KAZN: variants seen among roughly 807,000 people sequenced by gnomAD.
KAZN encodes kazrin, periplakin interacting protein.
In KAZN, 40 loss-of-function variants were observed where a neutral mutation model predicts 87.4. The observed-to-expected ratio is 0.46, with a 90% CI of 0.36 to 0.60. KAZN has a LOEUF of 0.60. Ranked by LOEUF, KAZN falls within the 20% of genes least tolerant of loss-of-function variation. KAZN has a pLI of 0.00. For missense variants in KAZN, 898 were observed against 1,073.9 expected, an observed-to-expected ratio of 0.84 and a Z score of 2.29; for synonymous variants, 466 against 458.3, an observed-to-expected ratio of 1.02 and a Z score of -0.22.
In KAZN at chr1:14,981,858, A is replaced by G. The variant is rs16851089; in HGVS notation, c.418+20983A>G. On this transcript the variant is annotated intron_variant, in intron 2 of 14. Transcript: ENST00000376030. ...AGAAAGGGGATGCAGTGCCTTTTCA[A>G]CATACCCTGAGTTTGTTCAAACTAA... Among the ~76,000 whole-genome samples the G allele has an allele frequency of 2.0e-3, 299 of 152,308 alleles. 3 individuals are homozygous for G. The highest frequency in any genetic ancestry group is 6.7e-3 in the African/African-American group (277 of 41,552).
chr1:14,490,550 T>C (rs1669591603), intron 2 of KAZN, among the ~76,000 whole-genome samples: 1 of 152,174 alleles, frequency 6.6e-6, no homozygotes, highest in South Asian at 2.1e-4. Flanking sequence ...TGGAGTGCAG[T>C]GGCGCGATCT....
intron 2 of KAZN, among the ~76,000 whole-genome samples, chr1:15,001,970 T>A: frequency 7.4e-6 from 1 of 135,942 alleles, no homozygotes; most frequent in East Asian, 2.4e-4. Flanking sequence ...AAGCTCCGCC[T>A]CCTGGGTTCA....
chr1:14,921,409 G>A (rs748874463), intron 1 of KAZN, among the ~76,000 whole-genome samples: 2 of 152,096 alleles, frequency 1.3e-5, no homozygotes, highest in African/African-American at 2.4e-5. Flanking sequence ...TTCTTCCTCC[G>A]TCTCCTCTTC....
intron 1 of KAZN, among the ~76,000 whole-genome samples, chr1:13,962,462 G>A (rs978735634): frequency 6.6e-6 from 1 of 152,142 alleles, no homozygotes; most frequent in African/African-American, 2.4e-5. Flanking sequence ...GACACCATGT[G>A]GGGCTCTCTG....
chr1:14,045,850 A>G (rs538038357), intron 1 of KAZN, among the ~76,000 whole-genome samples: 1 of 152,296 alleles, frequency 6.6e-6, no homozygotes. Flanking sequence ...ACAATGGATA[A>G]CCATTACTCC....
Position 14,212,548 on chromosome 1 carries a change from G to T in KAZN, c.249+31956G>T, listed in dbSNP as rs138347648. Among the ~76,000 whole-genome samples the T allele has an allele frequency of 1.2e-3, 187 of 151,742 alleles. 1 individual carries two copies. The highest frequency in any genetic ancestry group is 4.2e-3 in the African/African-American group (172 of 41,410). ...TGTTTTTAATTAAGACCTAAATCATGATTCTCTTAGAATGGAATAGAAAGT... is the reference window on the plus strand; with the variant it reads ...TGTTTTTAATTAAGACCTAAATCATTATTCTCTTAGAATGGAATAGAAAGT... On this transcript the variant is annotated intron_variant, in intron 2 of 16. Coordinates refer to the KAZN transcript ENST00000636203.
At position 14,618,142 on chromosome 1, in the gene KAZN, C is replaced by A. The variant is rs887475532; in HGVS notation, c.226+18919C>A. On this transcript the variant is annotated intron_variant, in intron 1 of 14. Coordinates refer to ENST00000376030, the MANE Select transcript of KAZN (RefSeq NM_201628.3). Reference sequence around the variant, plus strand: ...AATGCTGCGAGATGGCAGCTGAGTCCGGCGCTTGCTTCACTCTTCATCTAG... The same window carrying A: ...AATGCTGCGAGATGGCAGCTGAGTCAGGCGCTTGCTTCACTCTTCATCTAG... Among the ~76,000 whole-genome samples the A allele has an allele frequency of 4.6e-5, 7 of 152,208 alleles. 1 individual carries two copies. The highest frequency in any genetic ancestry group is 3.9e-4 in the Admixed American group (6 of 15,282).
At chr1:14,260,575 G>A (rs533925687) in intron 2 of KAZN, among the ~76,000 whole-genome samples, 55 of 152,230 alleles carry the variant, frequency 3.6e-4, no homozygotes, top group Admixed American at 1.5e-3. Context: ...CATTAACTAC[G>A]ATCCACCTGA....
At chr1:13,960,315 C>A (rs1486771734) in intron 1 of KAZN, among the ~76,000 whole-genome samples, 1 of 152,234 alleles carries the variant, frequency 6.6e-6, no homozygotes, top group East Asian at 1.9e-4. Flanking sequence ...CTTCGCCCAA[C>A]ATCACACAGG....
At chr1:14,276,519 T>C (rs561442205) in intron 2 of KAZN, among the ~76,000 whole-genome samples, 2 of 152,294 alleles carry the variant, frequency 1.3e-5, no homozygotes, top group African/African-American at 4.8e-5. Context: ...TTGGTTCCTC[T>C]GAGGGATGTG....
intron 2 of KAZN, among the ~76,000 whole-genome samples, chr1:14,290,172 G>A (rs866754020): frequency 2.4e-4 from 37 of 152,184 alleles, no homozygotes; most frequent in African/African-American, 6.7e-4. Flanking sequence ...TGCTCTTCTC[G>A]AGGAGTATCT....
At chr1:14,681,094 C>T (rs1230122749) in intron 1 of KAZN, among the ~76,000 whole-genome samples, 2 of 152,154 alleles carry the variant, frequency 1.3e-5, no homozygotes, top group Non-Finnish European at 2.9e-5. Flanking sequence ...AGGGGAGCTC[C>T]CTCATCATCA....
intron 1 of KAZN, among the ~76,000 whole-genome samples, chr1:14,635,071 G>T (rs1402316069): frequency 6.6e-6 from 1 of 152,210 alleles, no homozygotes; most frequent in Non-Finnish European, 1.5e-5. Flanking sequence ...GGTGTTGCAG[G>T]AAGGGCATCA....
chr1:14,717,650 A>G (rs1389705384), intron 1 of KAZN, among the ~76,000 whole-genome samples: 1 of 152,160 alleles, frequency 6.6e-6, no homozygotes, highest in African/African-American at 2.4e-5. Flanking sequence ...CCCTTAAGCC[A>G]AATAAGGTTC....
At chr1:14,922,908 C>A (rs1658694629) in intron 1 of KAZN, among the ~76,000 whole-genome samples, 2 of 151,950 alleles carry the variant, frequency 1.3e-5, no homozygotes, top group African/African-American at 4.8e-5. Flanking sequence ...CGGGGGGAAG[C>A]TGGGAAGGCC....
chr1:14,744,763 T>C (rs546963486), intron 1 of KAZN, among the ~76,000 whole-genome samples: 3 of 152,286 alleles, frequency 2.0e-5, no homozygotes, highest in African/African-American at 2.4e-5. Context: ...AAGTGTAACA[T>C]GCATCCAGCA....
At chr1:13,899,931 CT>C (rs1417932451) in intron 1 of KAZN, among the ~76,000 whole-genome samples, 7 of 152,120 alleles carry the variant, frequency 4.6e-5, no homozygotes, top group Admixed American at 1.3e-4. Flanking sequence ...TCTTGGTTGT[CT>C]TTGGACCCTC....
At chr1:14,552,001 CTTTCTTTT>C (rs1673556692) in intron 2 of KAZN, among the ~76,000 whole-genome samples, 1 of 151,986 alleles carries the variant, frequency 6.6e-6, no homozygotes, top group South Asian at 2.1e-4. Flanking sequence ...TTCTTCCTTT[CTTTCTTTT>C]TTTCTTAATG....
intron 2 of KAZN, among the ~76,000 whole-genome samples, chr1:14,235,569 C>T (rs1046538905): frequency 6.6e-6 from 1 of 152,124 alleles, no homozygotes; most frequent in Non-Finnish European, 1.5e-5. Flanking sequence ...ACACTAAAAA[C>T]GTCTGATTTG....
Sources: allele counts gnomAD v4.1 joint callset (sites outside exome capture counted in the v4.1 genomes callset), GRCh38; gene constraint gnomAD v4.1.1; transcripts MANE v1.5; gene names NCBI Gene and HGNC (gene_info 2026-07-23, HGNC 2026-07-21).